The following GORASP1 variants were observed in gnomAD, a reference collection of about 807,000 sequenced individuals.
The protein encoded by GORASP1 is Golgi reassembly-stacking protein 1.
Under a neutral mutation model 37.7 loss-of-function variants are expected in GORASP1, and 31 were observed. That is an observed-to-expected ratio of 0.82 (90% CI 0.62 to 1.11). The LOEUF (loss-of-function observed/expected upper bound fraction) is 1.11. Among genes scored for constraint, GORASP1 ranks in the 50% least tolerant of loss-of-function variants. The pLI, the probability that GORASP1 is intolerant of heterozygous loss-of-function variation, is 0.00. For synonymous variants in GORASP1, 204 were observed against 224.8 expected (o/e 0.91, Z 0.83); for missense variants, 476 against 560.7 (o/e 0.85, Z 1.53).
Position 39,103,870 on chromosome 3 carries a change from C to T in GORASP1, c.64-317G>A. ...AGGCTGGCCCAGGCCTGTGGGAATG[C>T]TGCTCTAGAGGGCTAGGCTAGGGTT... On this transcript the variant is annotated intron_variant, in intron 1 of 8. Transcript: ENST00000319283. This position sits in a 1 kb window ranked among gnomAD's most constrained non-coding sequence, Gnocchi z 5.2. The T allele has an allele frequency of 3.3e-6, 1 of 303,580 alleles. No individual in the cohort carries two copies. Among genetic ancestry groups the T allele is most frequent in the Non-Finnish European group, 6.1e-6 (1 of 163,774 alleles). The allele number at this position is 303,580 out of a possible 1,614,324, so 18.8% of individuals were successfully genotyped here. A position where few individuals can be genotyped will look rare whatever the true frequency, so the allele number is the denominator to read the frequency against.
At position 39,100,646 on chromosome 3, in the gene GORASP1, G is replaced by A. The variant is rs771980170; in HGVS notation, c.566+101C>T. On this transcript the variant is annotated intron_variant, in intron 5 of 8. Coordinates refer to ENST00000319283, the MANE Select transcript of GORASP1 (RefSeq NM_031899.4). This position sits in a 1 kb window ranked among gnomAD's most constrained non-coding sequence, Gnocchi z 4.6. ...TCAGCCTCAGGATCCCTGGGCCCAGGGCCCAACCCTCCTCCATCTCCACCA... is the reference window on the plus strand; with the variant it reads ...TCAGCCTCAGGATCCCTGGGCCCAGAGCCCAACCCTCCTCCATCTCCACCA... The A allele has an allele frequency of 1.3e-5, 19 of 1,519,508 alleles. No homozygotes were observed. Among genetic ancestry groups the A allele is most frequent in the Non-Finnish European group, 1.7e-5 (19 of 1,126,270 alleles). The allele number at this position is 1,519,508 out of a possible 1,614,324, so 94.1% of individuals were successfully genotyped here. A position where few individuals can be genotyped will look rare whatever the true frequency, so the allele number is the denominator to read the frequency against.
chr3:39,106,063 T>C (rs1205871324), intron 1 of GORASP1, among the ~76,000 whole-genome samples: 1 of 152,200 alleles, frequency 6.6e-6, no homozygotes, highest in Admixed American at 6.5e-5. Context: ...TGTATCCCCT[T>C]AACCTGCTTT....
chr3:39,106,540 C>T (rs2036115473), intron 1 of GORASP1, among the ~76,000 whole-genome samples: 1 of 152,178 alleles, frequency 6.6e-6, no homozygotes, highest in African/African-American at 2.4e-5. Context: ...TTAGCCCTCT[C>T]ATGTGGTTAG....
At chr3:39,106,995 C>T (rs2036191932) in intron 1 of GORASP1, 1 of 449,986 alleles carries the variant, frequency 2.2e-6, no homozygotes, top group Non-Finnish European at 4.5e-6. Flanking sequence ...GACCCTACGA[C>T]TGGCAGGACG....
At chr3:39,101,437 G>A (rs2125702713) in intron 3 of GORASP1, 1 of 518,708 alleles carries the variant, frequency 1.9e-6, no homozygotes, top group African/African-American at 1.9e-5. Context: ...ACAATTAAAA[G>A]TAAGATACAC....
chr3:39,103,499 T>G lies in GORASP1; in HGVS notation c.118A>C (p.Ile40Leu), dbSNP rs774496311. Reference sequence around the variant, plus strand: ...AGCCTCGAGTGCCCAATGGTGATGATGAAGTCAAAGTAGGGCTCCAGGCCC... The same window carrying G: ...AGCCTCGAGTGCCCAATGGTGATGAGGAAGTCAAAGTAGGGCTCCAGGCCC... ...QAGLEPYFDF[I>L]ITIGHSRLNK... The change falls in exon 2 of 9, where the codon ATC (isoleucine) becomes CTC (leucine). Residue 40 changes from isoleucine (I) to leucine (L), a missense_variant. Ile to Leu is a conservative substitution (Grantham distance 5). Coordinates refer to ENST00000319283, the MANE Select transcript of GORASP1 (RefSeq NM_031899.4). The surrounding 1 kb of genome is among the most constrained non-coding windows in gnomAD (Gnocchi z 5.2). The G allele has an allele frequency of 1.2e-6, 2 of 1,613,470 alleles. No homozygotes were observed. The highest frequency in any genetic ancestry group is 1.7e-6 in the Non-Finnish European group (2 of 1,179,786).
At position 39,101,118 on chromosome 3, in the gene GORASP1, C is replaced by T; in HGVS notation, c.349-16G>A. On this transcript the variant is annotated splice_polypyrimidine_tract_variant and intron_variant, in intron 3 of 8. Transcript: ENST00000319283. ...GTTCCACATCCTGGGGAAAGAACCG[C>T]AAACCACTGGCCATGCTACTAGAGG... is the stretch of plus-strand genomic sequence containing the variant. 6.2e-7 allele frequency: 1 copy of T among 1,613,074 alleles called. No individual in the cohort carries two copies. The highest frequency in any genetic ancestry group is 8.5e-7 in the Non-Finnish European group (1 of 1,179,132).
Position 39,102,717 on chromosome 3 carries a change from G to A in GORASP1, c.309C>T (p.Cys103=), listed in dbSNP as rs780387013. The A allele has an allele frequency of 4.3e-6, 7 of 1,614,184 alleles. No individual in the cohort carries two copies. The highest frequency in any genetic ancestry group is 2.2e-5 in the South Asian group (2 of 91,084). ...QGLLGASVRF[C]SFRRASEQVW... ...CCTGCTCACTGGCCCTGCGGAAGCT[G>A]CAGAAGCGCACACTGGCACCCAGTA... The change falls in exon 3 of 9, where the codon TGC becomes TGT. Residue 103 remains cysteine, a synonymous_variant. Transcript: ENST00000319283. The surrounding 1 kb of genome is among the most constrained non-coding windows in gnomAD (Gnocchi z 5.0).
Position 39,100,535 on chromosome 3 carries a change from G to A in GORASP1, c.567-32C>T, listed in dbSNP as rs749225948. 6.5e-7 allele frequency: 1 copy of A among 1,533,544 alleles called. No homozygotes were observed. Among genetic ancestry groups the A allele is most frequent in the Non-Finnish European group, 8.8e-7 (1 of 1,141,746 alleles). 95.0% of individuals were successfully genotyped at this position (1,533,544 alleles called of 1,614,324 possible). On this transcript the variant is annotated intron_variant, in intron 5 of 8. Coordinates refer to ENST00000319283, the MANE Select transcript of GORASP1 (RefSeq NM_031899.4). The surrounding 1 kb of genome is among the most constrained non-coding windows in gnomAD (Gnocchi z 4.6). ...AAGGCCAGAAACATTCAATCCAGGG[G>A]CTTGTCCCACGGCCCTCCCTACCTT...
rs1259790611 is a variant in GORASP1, at chr3:39,103,806, AG to A, written c.64-254del. On this transcript the variant is annotated intron_variant, in intron 1 of 8. Transcript: ENST00000319283. The surrounding 1 kb of genome is among the most constrained non-coding windows in gnomAD (Gnocchi z 5.2). ...TGCTTTCAGAAATGGCTCACAGCCC[AG>A]GACATCCTTAGGGGCTCCCAGGAGG... 2.3e-6 allele frequency: 1 copy of A among 426,202 alleles called. No individual in the cohort carries two copies. Among genetic ancestry groups the A allele is most frequent in the African/African-American group, 2.0e-5 (1 of 49,382 alleles). 26.4% of individuals were successfully genotyped at this position (426,202 alleles called of 1,614,324 possible). A position where few individuals can be genotyped will look rare whatever the true frequency, so the allele number is the denominator to read the frequency against.
chr3:39,102,839 C>T lies in GORASP1; in HGVS notation c.187G>A (p.Val63Met), dbSNP rs769127658. 2.5e-6 allele frequency: 4 copies of T among 1,614,246 alleles called. No homozygotes were observed. The highest frequency in any genetic ancestry group is 3.4e-6 in the Non-Finnish European group (4 of 1,180,050). ...DTLKALLKANVEKPVKLEVFN... is the reference protein window; with the variant it reads ...DTLKALLKANMEKPVKLEVFN... ...ACCTCCAGCTTCACGGGCTTCTCCA[C>T]ATTGGCTTTCAGTAGTGCCTTCAGG... Residue 63 changes from valine to methionine, a missense_variant, in exon 3 of 9, where the codon GTG (valine) becomes ATG (methionine). Transcript: ENST00000319283. This position sits in a 1 kb window ranked among gnomAD's most constrained non-coding sequence, Gnocchi z 5.0.
Position 39,100,228 on chromosome 3 carries a change from T to G in GORASP1, c.765+77A>C. On this transcript the variant is annotated intron_variant, in intron 6 of 8. Coordinates refer to ENST00000319283, the MANE Select transcript of GORASP1 (RefSeq NM_031899.4). This position sits in a 1 kb window ranked among gnomAD's most constrained non-coding sequence, Gnocchi z 4.6. ...CCTCTCAGATCACAAAGGCCCCTGG[T>G]GAGGGTTGCTGATGGCTCCCCAAGG... 3 of 1,280,774 alleles carry G rather than the reference T, an allele frequency of 2.3e-6. No individual in the cohort carries two copies. The highest frequency in any genetic ancestry group is 3.4e-6 in the Non-Finnish European group (3 of 881,586). The allele number at this position is 1,280,774 out of a possible 1,614,324, so 79.3% of individuals were successfully genotyped here. A position where few individuals can be genotyped will look rare whatever the true frequency, so the allele number is the denominator to read the frequency against.
chr3:39,103,391 T>G lies in GORASP1; in HGVS notation c.144+82A>C. Reference sequence around the variant, plus strand: ...CTTTAGAAAAAAAGGGAGGGAAGGGTAGACTGGGGCCCCCTGTGGGACAGA... The same window carrying G: ...CTTTAGAAAAAAAGGGAGGGAAGGGGAGACTGGGGCCCCCTGTGGGACAGA... On this transcript the variant is annotated intron_variant, in intron 2 of 8. Coordinates refer to ENST00000319283, the MANE Select transcript of GORASP1 (RefSeq NM_031899.4). The surrounding 1 kb of genome is among the most constrained non-coding windows in gnomAD (Gnocchi z 5.2). 9.0e-7 allele frequency: 1 copy of G among 1,107,990 alleles called. No individual in the cohort carries two copies. Among genetic ancestry groups the G allele is most frequent in the East Asian group, 2.4e-5 (1 of 41,746 alleles). The allele number at this position is 1,107,990 out of a possible 1,614,324, so 68.6% of individuals were successfully genotyped here. A position where few individuals can be genotyped will look rare whatever the true frequency, so the allele number is the denominator to read the frequency against.
rs1273131719 is a variant in GORASP1 at position 39,101,053 on chromosome 3, G to C, written c.398C>G (p.Thr133Arg). ...PAALAGLRPY[T>R]DYVVGSDQIL... The stretch of plus-strand genomic sequence containing the variant: ...CTGGTCCGAACCAACCACATAGTCT[G>C]TGTAGGGGCGCAGGCCGGCAAGGGC... The change falls in exon 4 of 9, where the codon ACA becomes AGA. Residue 133 changes from threonine to arginine, a missense_variant. Physicochemically the swap from Thr to Arg is moderately conservative, Grantham distance 71. Transcript: ENST00000319283. 1 of 1,614,178 alleles carries C rather than the reference G, an allele frequency of 6.2e-7. No individual in the cohort carries two copies. The highest frequency in any genetic ancestry group is 8.5e-7 in the Non-Finnish European group (1 of 1,179,992).
chr3:39,103,134 AAGCCTCCCAG>A lies in GORASP1; in HGVS notation c.145-263_145-254del, dbSNP rs2035825625. The A allele has an allele frequency of 3.4e-6, 2 of 595,342 alleles. No individual in the cohort carries two copies. Among genetic ancestry groups the A allele is most frequent in the Non-Finnish European group, 6.0e-6 (2 of 334,556 alleles). 36.9% of individuals were successfully genotyped at this position (595,342 alleles called of 1,614,324 possible). Reference sequence around the variant, plus strand: ...TGCCAGAAAAAACAAAGCAAGCAAAAAGCCTCCCAGATCCACAGCATTCCAGTGCTGCCCC... The same window carrying A: ...TGCCAGAAAAAACAAAGCAAGCAAAAATCCACAGCATTCCAGTGCTGCCCC... On this transcript the variant is annotated intron_variant, in intron 2 of 8. Coordinates refer to ENST00000319283, the MANE Select transcript of GORASP1 (RefSeq NM_031899.4). This position sits in a 1 kb window ranked among gnomAD's most constrained non-coding sequence, Gnocchi z 5.2.
In GORASP1 at chr3:39,103,611, C is replaced by T; in HGVS notation, c.64-58G>A. On this transcript the variant is annotated intron_variant, in intron 1 of 8. Coordinates refer to ENST00000319283, the MANE Select transcript of GORASP1 (RefSeq NM_031899.4). The surrounding 1 kb of genome is among the most constrained non-coding windows in gnomAD (Gnocchi z 5.2). ...CAACCCTGGGACTCTCCAAGTAGCCCTCTCCCCCATTTCAGGAACCATCAG... is the reference window on the plus strand; with the variant it reads ...CAACCCTGGGACTCTCCAAGTAGCCTTCTCCCCCATTTCAGGAACCATCAG... The T allele has an allele frequency of 1.5e-6, 2 of 1,361,058 alleles. No individual in the cohort carries two copies. The highest frequency in any genetic ancestry group is 1.4e-5 in the African/African-American group (1 of 69,478). The allele number at this position is 1,361,058 out of a possible 1,614,324, so 84.3% of individuals were successfully genotyped here.
At position 39,098,538 on chromosome 3, in the gene GORASP1, A is replaced by G; in HGVS notation, c.1070-49T>C. The G allele has an allele frequency of 6.3e-7, 1 of 1,576,888 alleles. No individual in the cohort carries two copies. The highest frequency in any genetic ancestry group is 8.6e-7 in the Non-Finnish European group (1 of 1,161,062). On this transcript the variant is annotated intron_variant, in intron 8 of 8. Coordinates refer to ENST00000319283, the MANE Select transcript of GORASP1 (RefSeq NM_031899.4). The surrounding 1 kb of genome is among the most constrained non-coding windows in gnomAD (Gnocchi z 4.7). ...AGGAGGTCTGCAAGAACCTAGGGCCATGGTGTTAGGGCCAGTAACCCCACC... is the reference window on the plus strand; with the variant it reads ...AGGAGGTCTGCAAGAACCTAGGGCCGTGGTGTTAGGGCCAGTAACCCCACC...
rs533344487 is a variant in GORASP1 at position 39,100,574 on chromosome 3, T to G, written c.567-71A>C. 3.7e-4 allele frequency: 557 copies of G among 1,490,222 alleles called. No individual in the cohort carries two copies. The highest frequency in any genetic ancestry group is 4.9e-4 in the Non-Finnish European group (546 of 1,108,284). The allele number at this position is 1,490,222 out of a possible 1,614,324, so 92.3% of individuals were successfully genotyped here. On this transcript the variant is annotated intron_variant, in intron 5 of 8. Transcript: ENST00000319283. The surrounding 1 kb of genome is among the most constrained non-coding windows in gnomAD (Gnocchi z 4.6). ...CCTCCCTACCTTTGCTATCCCCACC[T>G]ACTACCAGCAATAAGGGGGCTGAAA...
chr3:39,106,660 C>T (rs2036139076), intron 1 of GORASP1, among the ~76,000 whole-genome samples: 1 of 152,164 alleles, frequency 6.6e-6, no homozygotes, highest in Non-Finnish European at 1.5e-5. Context: ...GCAGGGACGC[C>T]TCTTCCCCGC....
Sources: gnomAD v4.1 joint callset for allele counts (sites outside exome capture counted in the v4.1 genomes callset) on GRCh38, gnomAD v4.1.1 for gene constraint, Gnocchi (gnomAD v3.1) non-coding constraint, MANE v1.5 for transcripts, NCBI Gene and HGNC (gene_info 2026-07-23, HGNC 2026-07-21) for gene names.